QRICH1: variants seen among roughly 807,000 people sequenced by gnomAD.
QRICH1 encodes the protein glutamine rich 1.
A neutral mutation model predicts 87.1 loss-of-function variants in QRICH1; 16 were observed. The ratio of observed to expected loss-of-function variants is 0.18; its 90% CI spans 0.12 to 0.28. QRICH1 has a LOEUF of 0.28. Among genes scored for constraint, QRICH1 ranks in the 10% least tolerant of loss-of-function variants. The pLI is 1.00. For missense variants in QRICH1, 647 were observed against 951.7 expected, an observed-to-expected ratio of 0.68 and a Z score of 4.21; for synonymous variants, 367 against 368.4, an observed-to-expected ratio of 1.00 and a Z score of 0.05.
rs201902389 is a variant in QRICH1 at position 49,057,164 on chromosome 3, G to C, written c.1036C>G (p.Pro346Ala). 1.2e-5 allele frequency: 19 copies of C among 1,614,220 alleles called. No individual in the cohort carries two copies. ...AYNAVHVSGS[P>A]TALAAVKLED... The stretch of plus-strand genomic sequence containing the variant: ...AGCTTAACAGCTGCCAGGGCTGTGG[G>C]TGAGCCACTGACGTGAACTGCGTTG... Residue 346 changes from proline to alanine, a missense_variant, in exon 3 of 10, where the codon CCC (proline) becomes GCC (alanine). Coordinates refer to ENST00000395443, the MANE Select transcript of QRICH1 (RefSeq NM_198880.3). This position sits in a 1 kb window ranked among gnomAD's most constrained non-coding sequence, Gnocchi z 5.4.
At chr3:49,063,147 C>T (rs1226519370) in intron 2 of QRICH1, among the ~76,000 whole-genome samples, 1 of 152,156 alleles carries the variant, frequency 6.6e-6, no homozygotes. Context: ...GTCTACTTCC[C>T]TACAGTGTTT....
At chr3:49,040,594 ACT>A (rs2106840516) in intron 6 of QRICH1, among the ~76,000 whole-genome samples, 1 of 152,368 alleles carries the variant, frequency 6.6e-6, no homozygotes, top group East Asian at 1.9e-4. Context: ...CATAGTAGGC[ACT>A]CAAAAAATTT....
chr3:49,074,499 G>C (rs2041909845), intron 2 of QRICH1, among the ~76,000 whole-genome samples: 1 of 151,918 alleles, frequency 6.6e-6, no homozygotes, highest in African/African-American at 2.4e-5. Context: ...GTGAACCCGG[G>C]AGGCGGAGCT....
At chr3:49,080,028 C>CAAAA (rs11443291) in intron 1 of QRICH1, among the ~76,000 whole-genome samples, 1 of 136,536 alleles carries the variant, frequency 7.3e-6, no homozygotes, top group Non-Finnish European at 1.6e-5. Context: ...GACTCTATCT[C>CAAAA]AAAAAAAAAA....
Position 49,080,494 on chromosome 3 carries a change from C to A in QRICH1, c.-21-3456G>T, listed in dbSNP as rs545228519. ...ATATCAAACAAAACAAAAACAACAA[C>A]AAAAAATAATTTAAAAAAAAACAAG... On this transcript the variant is annotated intron_variant, in intron 1 of 9. Coordinates refer to ENST00000395443, the MANE Select transcript of QRICH1 (RefSeq NM_198880.3). Among the ~76,000 whole-genome samples the A allele has an allele frequency of 8.8e-4, 133 of 151,748 alleles. 1 individual carries two copies. Among genetic ancestry groups the A allele is most frequent in the Middle Eastern group, 3.4e-3 (1 of 294 alleles).
chr3:49,076,991 G>A lies in QRICH1; in HGVS notation c.27C>T (p.Ile9=), dbSNP rs753648542. 1 of 1,516,518 alleles carries A rather than the reference G, an allele frequency of 6.6e-7. No individual in the cohort carries two copies. Among genetic ancestry groups the A allele is most frequent in the Non-Finnish European group, 8.9e-7 (1 of 1,122,964 alleles). The allele number at this position is 1,516,518 out of a possible 1,614,324, so 93.9% of individuals were successfully genotyped here. A position where few individuals can be genotyped will look rare whatever the true frequency, so the allele number is the denominator to read the frequency against. ...TTACTCGGATGTACTCTTCAAAGGAGATGGTGTTCTCTAGGGAATTATTCA... is the reference window on the plus strand; with the variant it reads ...TTACTCGGATGTACTCTTCAAAGGAAATGGTGTTCTCTAGGGAATTATTCA... MNNSLENT[I]SFEEYIRVKA... Residue 9 remains isoleucine, a synonymous_variant, in exon 2 of 10, where the codon ATC becomes ATT. Coordinates refer to ENST00000395443, the MANE Select transcript of QRICH1 (RefSeq NM_198880.3).
chr3:49,034,317 C>T (rs972357791), intron 6 of QRICH1, among the ~76,000 whole-genome samples: 1 of 151,628 alleles, frequency 6.6e-6, no homozygotes, highest in Non-Finnish European at 1.5e-5. Flanking sequence ...TGGTGCACAT[C>T]TGTGATCCCA....
rs1190992658 is a variant in QRICH1 at position 49,030,050 on chromosome 3, CAA to C, written c.*400_*401del. The C allele has an allele frequency of 6.7e-6, 2 of 299,798 alleles. No individual in the cohort carries two copies. Among genetic ancestry groups the C allele is most frequent in the Non-Finnish European group, 1.2e-5 (2 of 163,752 alleles). The allele number at this position is 299,798 out of a possible 1,614,324, so 18.6% of individuals were successfully genotyped here. A position where few individuals can be genotyped will look rare whatever the true frequency, so the allele number is the denominator to read the frequency against. On this transcript the variant is annotated 3_prime_UTR_variant, in exon 10 of 10. Coordinates refer to ENST00000395443, the MANE Select transcript of QRICH1 (RefSeq NM_198880.3). ...AAGAACATCGTTCCCCTGTGGTCAG[CAA>C]AGTCTGTCAGCCCAGTGGAAGTCGG...
chr3:49,030,702 C>G lies in QRICH1; in HGVS notation c.2139-58G>C, dbSNP rs934467939. On this transcript the variant is annotated intron_variant, in intron 9 of 9. Transcript: ENST00000395443. The stretch of plus-strand genomic sequence containing the variant: ...CCAATATAACTTCAACCCTCCCACC[C>G]TGAACTTCCCAGACAGATGCTGTCT... The G allele has an allele frequency of 3.6e-6, 5 of 1,399,864 alleles. No individual in the cohort carries two copies. The African/African-American group carries it at 5.9e-5, about 16-fold the overall frequency. 86.7% of individuals were successfully genotyped at this position (1,399,864 alleles called of 1,614,324 possible).
chr3:49,063,041 T>G (rs1001404190), intron 2 of QRICH1, among the ~76,000 whole-genome samples: 2 of 151,714 alleles, frequency 1.3e-5, no homozygotes, highest in African/African-American at 4.8e-5. Context: ...CAGACTTCAA[T>G]GTGAATTGAT....
intron 6 of QRICH1, among the ~76,000 whole-genome samples, chr3:49,043,474 C>T (rs1280531112): frequency 1.3e-5 from 1 of 77,524 alleles, no homozygotes; most frequent in African/African-American, 5.5e-5. Flanking sequence ...CCAGCCTGGG[C>T]AACAAGAGCA....
At chr3:49,041,732 G>C (rs955810053) in intron 6 of QRICH1, among the ~76,000 whole-genome samples, 6 of 152,026 alleles carry the variant, frequency 3.9e-5, no homozygotes, top group South Asian at 2.1e-4. Context: ...CCTGGTTCAA[G>C]CAATTCTCCT....
chr3:49,094,199 G>A, upstream of QRICH1: 1 of 390,398 alleles, frequency 2.6e-6, no homozygotes, highest in Non-Finnish European at 4.5e-6. Context: ...CCGCTAGAGC[G>A]GATAGTGGAT....
chr3:49,079,357 C>A (rs1057204266), intron 1 of QRICH1, among the ~76,000 whole-genome samples: 6 of 151,220 alleles, frequency 4.0e-5, no homozygotes, highest in Middle Eastern at 3.4e-3. Flanking sequence ...GGTCTTTGGG[C>A]TGGGAAACCT....
chr3:49,042,597 G>A (rs1484422301), intron 6 of QRICH1, among the ~76,000 whole-genome samples: 3 of 151,150 alleles, frequency 2.0e-5, no homozygotes, highest in East Asian at 3.9e-4. Flanking sequence ...TTTTTGAGAC[G>A]GAGTCGCGCT....
intron 5 of QRICH1, among the ~76,000 whole-genome samples, chr3:49,045,875 T>C (rs1343669337): frequency 2.0e-5 from 3 of 152,030 alleles, no homozygotes; most frequent in African/African-American, 7.2e-5. Flanking sequence ...ATTACAGGTG[T>C]GAGACATCTT....
At chr3:49,062,613 G>T (rs55934151) in intron 2 of QRICH1, among the ~76,000 whole-genome samples, 2 of 151,232 alleles carry the variant, frequency 1.3e-5, no homozygotes, top group African/African-American at 4.9e-5. Flanking sequence ...CACCTGCCTT[G>T]GCCTCCCAAA....
rs780599538 is a variant in QRICH1, at chr3:49,033,158, G to A, written c.1857C>T (p.Pro619=). 11 of 1,581,512 alleles carry A rather than the reference G, an allele frequency of 7.0e-6. No homozygotes were observed. Among genetic ancestry groups the A allele is most frequent in the African/African-American group, 1.4e-5 (1 of 73,306 alleles). ...WECKQLGAHS[P]STLLTTLMFF... ...ACATGAGGGTGGTCAGCAAGGTGGAGGGGGAGTGAGCCCCAAGCTGCTTGC... is the reference window on the plus strand; with the variant it reads ...ACATGAGGGTGGTCAGCAAGGTGGAAGGGGAGTGAGCCCCAAGCTGCTTGC... The change falls in exon 7 of 10, where the codon CCC becomes CCT. Residue 619 remains proline (P), a synonymous_variant. Coordinates refer to ENST00000395443, the MANE Select transcript of QRICH1 (RefSeq NM_198880.3).
intron 2 of QRICH1, among the ~76,000 whole-genome samples, chr3:49,064,682 G>A (rs893611476): frequency 4.1e-4 from 63 of 152,150 alleles, no homozygotes; most frequent in Middle Eastern, 3.4e-3. Context: ...TGGCTAACAC[G>A]GTGAAACCCC....
Sources: allele counts gnomAD v4.1 joint callset (sites outside exome capture counted in the v4.1 genomes callset), GRCh38; gene constraint gnomAD v4.1.1; non-coding constraint Gnocchi (gnomAD v3.1); transcripts MANE v1.5; gene names NCBI Gene and HGNC (gene_info 2026-07-23, HGNC 2026-07-21).